Variants in AGBL1 observed in about 807,000 individuals in gnomAD.
The protein encoded by AGBL1 is AGBL carboxypeptidase 1, also known as cytosolic carboxypeptidase 4.
Under a neutral mutation model 118.9 loss-of-function variants are expected in AGBL1, and 130 were observed. The ratio of observed to expected loss-of-function variants is 1.09; its 90% CI spans 0.95 to 1.26. The LOEUF (loss-of-function observed/expected upper bound fraction) is 1.26. Ranked by LOEUF, AGBL1 falls within the 50% of genes most tolerant of loss-of-function variation. The pLI, the probability that AGBL1 is intolerant of heterozygous loss-of-function variation, is 0.00. For synonymous variants in AGBL1, 555 were observed against 478.9 expected (o/e 1.16, Z -2.08); for missense variants, 1,584 against 1,298.1 (o/e 1.22, Z -3.38).
rs549482034 is a variant in AGBL1, at chr15:86,971,026, A to G, written c.3222-16961A>G. On this transcript the variant is annotated intron_variant, in intron 23 of 24. Transcript: ENST00000441037. ...GTAGATGATATGCAAATAGTACACCATTTTATATAAGAGATTTGTGCATTC... is the reference window on the plus strand; with the variant it reads ...GTAGATGATATGCAAATAGTACACCGTTTTATATAAGAGATTTGTGCATTC... 7.9e-5 allele frequency among the ~76,000 whole-genome samples: 12 copies of G among 151,850 alleles called. No individual in the cohort carries two copies. The South Asian group carries it at 2.5e-3, about 31-fold the overall frequency.
At chr15:86,342,125 C>G (rs1328821876) in intron 17 of AGBL1, among the ~76,000 whole-genome samples, 2 of 152,146 alleles carry the variant, frequency 1.3e-5, no homozygotes, top group Non-Finnish European at 2.9e-5. Context: ...CTGTATGTTT[C>G]TCCGCTTGTT....
chr15:86,147,814 C>G (rs887404215), intron 3 of AGBL1, among the ~76,000 whole-genome samples: 4 of 152,196 alleles, frequency 2.6e-5, no homozygotes, highest in Admixed American at 2.0e-4. Flanking sequence ...CAAGTGTGTC[C>G]CTGACCCCCA....
chr15:86,344,335 G>T (rs2080504876), intron 17 of AGBL1, among the ~76,000 whole-genome samples: 1 of 152,158 alleles, frequency 6.6e-6, no homozygotes, highest in African/African-American at 2.4e-5. Flanking sequence ...TTGAAGTTCT[G>T]CCAAGCACGA....
chr15:86,316,478 A>T (rs1344908179), intron 17 of AGBL1, among the ~76,000 whole-genome samples: 1 of 152,142 alleles, frequency 6.6e-6, no homozygotes, highest in Non-Finnish European at 1.5e-5. Flanking sequence ...CCTGGCTCTC[A>T]TGCCTGCTCT....
intron 24 of AGBL1, among the ~76,000 whole-genome samples, chr15:87,015,190 T>C (rs1403036635): frequency 1.3e-5 from 2 of 152,118 alleles, no homozygotes; most frequent in African/African-American, 4.8e-5. Flanking sequence ...AAGTCTTTGG[T>C]CTTGGATTGA....
intron 22 of AGBL1, among the ~76,000 whole-genome samples, chr15:86,735,176 G>A (rs1439721074): frequency 6.6e-6 from 1 of 152,006 alleles, no homozygotes; most frequent in Non-Finnish European, 1.5e-5. Flanking sequence ...CCGCCTCCTG[G>A]GTTTCAGAGA....
intron 22 of AGBL1, among the ~76,000 whole-genome samples, chr15:86,895,768 G>A (rs1372354041): frequency 1.3e-5 from 2 of 151,712 alleles, no homozygotes; most frequent in East Asian, 1.9e-4. Flanking sequence ...TTGTTTTTAT[G>A]GAAAATTTAT....
rs766862249 is a variant in AGBL1, at chr15:86,215,221, A to ATGTGTGTGTGTG, written c.489-9691_489-9690insTGTGTGTGTGTG. ...TGTGTGTGTGTGTGAGTGTATATGT[A>ATGTGTGTGTGTG]TGCGTGTGTGTGTGTGTGTGTGTGT... On this transcript the variant is annotated intron_variant, in intron 5 of 22. Coordinates refer to ENST00000614907, the MANE Select transcript of AGBL1 (RefSeq NM_001386094.1). 3.3e-4 allele frequency among the ~76,000 whole-genome samples: 41 copies of ATGTGTGTGTGTG among 124,770 alleles called. 1 individual carries two copies. The South Asian group carries it at 9.5e-3, about 29-fold the overall frequency. The allele number at this position is 124,770 out of a possible 152,430, so 81.9% of individuals were successfully genotyped here. A position where few individuals can be genotyped will look rare whatever the true frequency, so the allele number is the denominator to read the frequency against.
chr15:86,410,541 A>G (rs2346310), intron 18 of AGBL1, among the ~76,000 whole-genome samples: 42,516 of 151,280 alleles, frequency 0.28, 6,623 homozygotes, highest in East Asian at 0.62. Context: ...TAACCACTGC[A>G]CCTCACTTGA....
At chr15:86,760,785 G>A (rs1379891755) in intron 22 of AGBL1, among the ~76,000 whole-genome samples, 1 of 152,034 alleles carries the variant, frequency 6.6e-6, no homozygotes, top group African/African-American at 2.4e-5. Flanking sequence ...CTGGTTCTTG[G>A]AGGAGTACCA....
intron 23 of AGBL1, among the ~76,000 whole-genome samples, chr15:86,963,812 C>A (rs565173048): frequency 6.6e-6 from 1 of 152,010 alleles, no homozygotes; most frequent in South Asian, 2.1e-4. Flanking sequence ...GCAGTAGCTT[C>A]CTAGTGGACG....
intron 7 of AGBL1, among the ~76,000 whole-genome samples, chr15:86,255,632 CAT>C (rs1183904572): frequency 2.0e-5 from 3 of 152,224 alleles, no homozygotes; most frequent in Non-Finnish European, 4.4e-5. Context: ...AAAATACAAA[CAT>C]TAGCTGGTGT....
chr15:86,780,950 G>C (rs1035014366), intron 22 of AGBL1, among the ~76,000 whole-genome samples: 1 of 152,146 alleles, frequency 6.6e-6, no homozygotes, highest in Non-Finnish European at 1.5e-5. Flanking sequence ...TTACAGGCAT[G>C]AGCCACTGCA....
At chr15:86,608,309 G>C (rs1161860487) in intron 21 of AGBL1, among the ~76,000 whole-genome samples, 1 of 152,122 alleles carries the variant, frequency 6.6e-6, no homozygotes, top group African/African-American at 2.4e-5. Context: ...TTAGACACAG[G>C]CTCGAGCTAG....
At chr15:86,903,132 T>G in intron 22 of AGBL1, among the ~76,000 whole-genome samples, 1 of 152,046 alleles carries the variant, frequency 6.6e-6, no homozygotes, top group East Asian at 1.9e-4. Context: ...TTTTTTCTAT[T>G]TTTCTACTTT....
chr15:86,686,710 T>C (rs890448204), intron 22 of AGBL1, among the ~76,000 whole-genome samples: 1 of 152,118 alleles, frequency 6.6e-6, no homozygotes, highest in East Asian at 1.9e-4. Flanking sequence ...GTGCTGGGAT[T>C]ACAGGCATGA....
chr15:86,903,320 T>C (rs2080237532), intron 22 of AGBL1, among the ~76,000 whole-genome samples: 1 of 152,108 alleles, frequency 6.6e-6, no homozygotes, highest in South Asian at 2.1e-4. Flanking sequence ...AATTCTGTTA[T>C]TGGATTTCTC....
At chr15:86,407,642 C>A (rs192924238) in intron 18 of AGBL1, among the ~76,000 whole-genome samples, 1 of 152,050 alleles carries the variant, frequency 6.6e-6, no homozygotes, top group South Asian at 2.1e-4. Flanking sequence ...TGAACTTGTG[C>A]GCATAACAAT....
At chr15:86,715,751 G>A (rs556284851) in intron 22 of AGBL1, among the ~76,000 whole-genome samples, 2 of 152,258 alleles carry the variant, frequency 1.3e-5, no homozygotes, top group South Asian at 2.1e-4. Context: ...TAATTGATTA[G>A]TTTGTGGTTA....
Sources: allele counts gnomAD v4.1 joint callset (sites outside exome capture counted in the v4.1 genomes callset), GRCh38; gene constraint gnomAD v4.1.1; transcripts MANE v1.5; gene names NCBI Gene and HGNC (gene_info 2026-07-23, HGNC 2026-07-21).